TRIP6: variants seen among roughly 807,000 people sequenced by gnomAD.
TRIP6 encodes the protein thyroid receptor-interacting protein 6.
TRIP6 carries 33 observed loss-of-function variants against 51.9 expected under a neutral mutation model. That is an observed-to-expected ratio of 0.64 (90% CI 0.48 to 0.85). The LOEUF (loss-of-function observed/expected upper bound fraction) is 0.85. TRIP6 is among the 40% of genes least tolerant of loss of function. TRIP6 has a pLI of 0.00. For missense variants in TRIP6, 661 were observed against 652.1 expected, an observed-to-expected ratio of 1.01 and a Z score of -0.15; for synonymous variants, 255 against 275.8, an observed-to-expected ratio of 0.92 and a Z score of 0.75.
chr7:100,870,745 T>C lies in TRIP6; in HGVS notation c.999+2T>C, dbSNP rs1027087919. On this transcript the variant is annotated splice_donor_variant, in intron 6 of 8. Coordinates refer to ENST00000200457, the MANE Select transcript of TRIP6 (RefSeq NM_003302.3). LOFTEE classifies it high-confidence loss of function. The stretch of plus-strand genomic sequence containing the variant: ...GCATATTGCGAGGGCTGCTACGTGG[T>C]GAGTGGCTGGGGCTGGGAGGAGGGA... The C allele has an allele frequency of 7.5e-6, 12 of 1,609,104 alleles. No homozygotes were observed. The highest frequency in any genetic ancestry group is 1.0e-5 in the Non-Finnish European group (12 of 1,176,526).
Position 100,872,726 on chromosome 7 carries a change from T to G in TRIP6, c.1281T>G (p.Ile427Met). ...RIVALDRSFH[I>M]GCYKCEECGL... ...TTGCTCTGGATCGAAGTTTTCACAT[T>G]GGCTGTTACAAGTGCGAGGTCAGGG... The change falls in exon 8 of 9, where the codon ATT becomes ATG. Residue 427 changes from isoleucine to methionine, a missense_variant. Transcript: ENST00000200457. 1 of 1,614,106 alleles carries G rather than the reference T, an allele frequency of 6.2e-7. No homozygotes were observed. Among genetic ancestry groups the G allele is most frequent in the South Asian group, 1.1e-5 (1 of 91,086 alleles).
chr7:100,868,130 G>T lies in TRIP6; in HGVS notation c.260G>T (p.Gly87Val), dbSNP rs1269084650. ...CAGGGGCTCCCTGCAGACAGGGGGG[G>T]CCTTCGCCCTGGAAGCCTGGACGCC... ...HTQGLPADRG[G>V]LRPGSLDAEI... The change falls in exon 3 of 9, where the codon GGC (glycine) becomes GTC (valine). Residue 87 changes from glycine (G) to valine (V), a missense_variant. By Grantham distance (109) the Gly-to-Val change is moderately radical (BLOSUM62 -3). Coordinates refer to ENST00000200457, the MANE Select transcript of TRIP6 (RefSeq NM_003302.3). 2 of 1,612,594 alleles carry T rather than the reference G, an allele frequency of 1.2e-6. No homozygotes were observed. The highest frequency in any genetic ancestry group is 1.7e-6 in the Non-Finnish European group (2 of 1,179,620).
At chr7:100,872,181 G>GTTTTTT (rs34239953) in intron 7 of TRIP6, among the ~76,000 whole-genome samples, 11 of 95,588 alleles carry the variant, frequency 1.2e-4, no homozygotes, top group Non-Finnish European at 1.5e-4. Flanking sequence ...CGCCTGGCTA[G>GTTTTTT]TTTTTTTTTT....
In TRIP6 at chr7:100,868,342, C is replaced by T. The variant is rs1815191944; in HGVS notation, c.363+109C>T. 7.7e-6 allele frequency: 12 copies of T among 1,565,418 alleles called. No individual in the cohort carries two copies. The East Asian group carries it at 1.6e-4, about 21-fold the overall frequency. On this transcript the variant is annotated intron_variant, in intron 3 of 8. Transcript: ENST00000200457. The stretch of plus-strand genomic sequence containing the variant: ...AATGTGCACCCCAGCATGGAGGAAG[C>T]GTGGCTGCAAGTACCAACATGTCAG...
rs761353090 is a variant in TRIP6, at chr7:100,868,573, C to G, written c.442C>G (p.Pro148Ala). 1.9e-6 allele frequency: 3 copies of G among 1,613,068 alleles called. No homozygotes were observed. In the East Asian group the frequency reaches 6.7e-5, roughly 36 times the overall value. Residue 148 changes from proline to alanine, a missense_variant, in exon 4 of 9, where the codon CCC becomes GCC. Transcript: ENST00000200457. ...PNPASPLPAS[P>A]YGGPTPASYT... ...TCCAGCCTCGCCGCTCCCAGCGTCT[C>G]CCTATGGGGGCCCCACTCCAGCCTC...
At chr7:100,869,966 A>G (rs760484316) in intron 4 of TRIP6, among the ~76,000 whole-genome samples, 1 of 151,980 alleles carries the variant, frequency 6.6e-6, no homozygotes, top group Non-Finnish European at 1.5e-5. Context: ...ATATATACCG[A>G]AACAATTATA....
At chr7:100,872,575 C>G in intron 7 of TRIP6, 49 bp from the exon 8 acceptor site, 1 of 1,607,678 alleles carries the variant, frequency 6.2e-7, no homozygotes. Flanking sequence ...ATTGTTGGTG[C>G]CCTGCAACCC....
Position 100,867,626 on chromosome 7 carries a change from A to G in TRIP6, c.109+20A>G, listed in dbSNP as rs745348430. The stretch of plus-strand genomic sequence containing the variant: ...GAGCAGGTAAGGCAGCCCTTGTGAG[A>G]CAGAAGAGCCACCCAGCTGTGGCGC... On this transcript the variant is annotated intron_variant, in intron 1 of 8. Transcript: ENST00000200457. This position sits in a 1 kb window ranked among gnomAD's most constrained non-coding sequence, Gnocchi z 5.4. 101 of 1,545,554 alleles carry G rather than the reference A, an allele frequency of 6.5e-5. No individual in the cohort carries two copies. Among genetic ancestry groups the G allele is most frequent in the Admixed American group, 6.4e-4 (33 of 51,604 alleles).
chr7:100,871,575 G>A lies in TRIP6; in HGVS notation c.1032G>A (p.Gln344=). The A allele has an allele frequency of 6.2e-7, 1 of 1,614,036 alleles. No homozygotes were observed. Among genetic ancestry groups the A allele is most frequent in the Non-Finnish European group, 8.5e-7 (1 of 1,180,006 alleles). ...TGGAGAAATGTGCCACGTGCTCCCA[G>A]CCCATCCTGGACCGGATCCTGCGGG... is the stretch of plus-strand genomic sequence containing the variant. ...ATLEKCATCS[Q]PILDRILRAM... is the part of the protein sequence containing the mutation. Residue 344 remains glutamine (Q), a synonymous_variant, in exon 7 of 9, where the codon CAG becomes CAA. Transcript: ENST00000200457.
rs777655632 is a variant in TRIP6, at chr7:100,867,581, G to A, written c.84G>A (p.Pro28=). The change falls in exon 1 of 9, where the codon CCG becomes CCA. Residue 28 remains proline (P), a synonymous_variant. Coordinates refer to ENST00000200457, the MANE Select transcript of TRIP6 (RefSeq NM_003302.3). The surrounding 1 kb of genome is among the most constrained non-coding windows in gnomAD (Gnocchi z 5.4). The part of the protein sequence containing the change: ...PQGRAIPRGT[P]GPPPAHGAAL... ...GGAGGGCGATCCCCCGCGGCACCCC[G>A]GGGCCACCACCGGCCCACGGAGCAG... 1.9e-6 allele frequency: 3 copies of A among 1,539,432 alleles called. No individual in the cohort carries two copies. Among genetic ancestry groups the A allele is most frequent in the South Asian group, 1.2e-5 (1 of 84,170 alleles).
intron 4 of TRIP6, among the ~76,000 whole-genome samples, chr7:100,869,461 C>T (rs1454400849): frequency 1.3e-5 from 2 of 149,896 alleles, no homozygotes; most frequent in African/African-American, 4.9e-5. Context: ...GGAGAAACCT[C>T]GTCTCTACTA....
intron 7 of TRIP6, among the ~76,000 whole-genome samples, chr7:100,872,140 C>T (rs1463076664): frequency 1.3e-5 from 2 of 150,822 alleles, no homozygotes; most frequent in Non-Finnish European, 2.9e-5. Flanking sequence ...TCAACCTCCC[C>T]AGTAGCTGGG....
In TRIP6 at chr7:100,867,902, T is replaced by C. The variant is rs1815177611; in HGVS notation, c.151T>C (p.Ser51Pro). 1 of 1,530,108 alleles carries C rather than the reference T, an allele frequency of 6.5e-7. No homozygotes were observed. The highest frequency in any genetic ancestry group is 8.7e-7 in the Non-Finnish European group (1 of 1,147,698). The allele number at this position is 1,530,108 out of a possible 1,614,324, so 94.8% of individuals were successfully genotyped here. A position where few individuals can be genotyped will look rare whatever the true frequency, so the allele number is the denominator to read the frequency against. The change falls in exon 2 of 9, where the codon TCT becomes CCT. Residue 51 changes from serine (S) to proline (P), a missense_variant. Coordinates refer to ENST00000200457, the MANE Select transcript of TRIP6 (RefSeq NM_003302.3). The surrounding 1 kb of genome is among the most constrained non-coding windows in gnomAD (Gnocchi z 5.4). The part of the protein sequence containing the change: ...HPRVNFCPLP[S>P]EQCYQAPGGP... ...CAGGGTCAATTTTTGCCCCCTTCCA[T>C]CTGAGCAGTGTTACCAGGCCCCAGG...
chr7:100,871,055 A>C lies in TRIP6; in HGVS notation c.999+312A>C, dbSNP rs575481045. 1.4e-3 allele frequency: 753 copies of C among 544,008 alleles called. 4 individuals carry two copies. Among genetic ancestry groups the C allele is most frequent in the African/African-American group, 0.013 (671 of 53,178 alleles). 33.7% of individuals were successfully genotyped at this position (544,008 alleles called of 1,614,324 possible). On this transcript the variant is annotated intron_variant, in intron 6 of 8. Transcript: ENST00000200457. ...TGGTTTTGTTTTTTGTTTTTTTTTG[A>C]GACAGTCTCGCTCTGTTGCGCAGAC...
In TRIP6 at chr7:100,867,861, C is replaced by A; in HGVS notation, c.110C>A (p.Ala37Glu). 6.5e-7 allele frequency: 1 copy of A among 1,537,422 alleles called. No individual in the cohort carries two copies. Among genetic ancestry groups the A allele is most frequent in the South Asian group, 1.3e-5 (1 of 76,590 alleles). ...TPGPPPAHGA[A>E]LQPHPRVNFC... The stretch of plus-strand genomic sequence containing the variant: ...TTTGATTTCTCTTCCCTCAACCCAG[C>A]ACTCCAGCCCCACCCCAGGGTCAAT... The change falls in exon 2 of 9, where the codon GCA (alanine) becomes GAA (glutamate). Residue 37 changes from alanine to glutamate, a missense_variant and splice_region_variant. Ala to Glu is a moderately radical substitution (Grantham distance 107). Transcript: ENST00000200457. This position sits in a 1 kb window ranked among gnomAD's most constrained non-coding sequence, Gnocchi z 5.4.
At position 100,872,613 on chromosome 7, in the gene TRIP6, T is replaced by C. The variant is rs201710856; in HGVS notation, c.1179-11T>C. The C allele has an allele frequency of 1.4e-4, 227 of 1,613,920 alleles. No homozygotes were observed. The highest frequency in any genetic ancestry group is 1.6e-4 in the Non-Finnish European group (186 of 1,179,854). On this transcript the variant is annotated splice_polypyrimidine_tract_variant and intron_variant, in intron 7 of 8. Coordinates refer to ENST00000200457, the MANE Select transcript of TRIP6 (RefSeq NM_003302.3). ...AGGCTTGATGGCCTTCTTGGTTCTC[T>C]TCCCCTGCAGGAAGTTTGCCCCAAG...
intron 3 of TRIP6, 57 bp downstream of exon 3, chr7:100,868,290 C>A (rs1815190855): frequency 5.1e-6 from 8 of 1,578,888 alleles, no homozygotes; most frequent in Non-Finnish European, 6.0e-6. Context: ...ACTCTCAGAC[C>A]CAGCCTGATC....
At chr7:100,872,558 G>T in intron 7 of TRIP6, 66 bp from the exon 8 acceptor site, 1 of 1,598,700 alleles carries the variant, frequency 6.3e-7, no homozygotes, top group Non-Finnish European at 8.5e-7. Context: ...CACCTTCTCT[G>T]GGTTCCATTG....
intron 6 of TRIP6, 68 bp from the exon 7 acceptor site, chr7:100,871,475 C>T (rs1815265977): frequency 1.3e-6 from 2 of 1,543,482 alleles, no homozygotes; most frequent in Admixed American, 1.7e-5. Flanking sequence ...GGCTGGGTTG[C>T]TGGGGTTCCT....
Sources: gnomAD v4.1 joint callset for allele counts (sites outside exome capture counted in the v4.1 genomes callset) on GRCh38, gnomAD v4.1.1 for gene constraint, Gnocchi (gnomAD v3.1) non-coding constraint, MANE v1.5 for transcripts, NCBI Gene and HGNC (gene_info 2026-07-23, HGNC 2026-07-21) for gene names.